The following FNDC3B variants were observed in gnomAD, a reference collection of about 807,000 sequenced individuals.
FNDC3B encodes fibronectin type III domain containing 3B.
A neutral mutation model predicts 151.5 loss-of-function variants in FNDC3B; 12 were observed. The observed-to-expected ratio is 0.08, with a 90% CI of 0.05 to 0.13. The LOEUF (loss-of-function observed/expected upper bound fraction) is 0.13. FNDC3B is among the 10% of genes least tolerant of loss of function. The probability of loss-of-function intolerance (pLI) is 1.00; values close to 1 mark genes in which losing one functional copy is unlikely to be tolerated. For missense variants in FNDC3B, 1,214 were observed against 1,505.3 expected (o/e 0.81, Z 3.20); for synonymous variants, 528 against 549.0 (o/e 0.96, Z 0.54).
At chr3:172,174,971 C>T (rs1247749795) in intron 3 of FNDC3B, among the ~76,000 whole-genome samples, 1 of 127,358 alleles carries the variant, frequency 7.9e-6, no homozygotes, top group Non-Finnish European at 1.6e-5. Context: ...TCCATCCGGT[C>T]CCATGTCCTA....
Position 172,399,319 on chromosome 3 carries a change from A to G in FNDC3B, c.*1844A>G, listed in dbSNP as rs1185445214. ...TAGGTCAGTCTTGTTCCTTGGCAACATCTGTAGTATTATTAATCTTCTGAC... is the reference window on the plus strand; with the variant it reads ...TAGGTCAGTCTTGTTCCTTGGCAACGTCTGTAGTATTATTAATCTTCTGAC... On this transcript the variant is annotated 3_prime_UTR_variant, in exon 26 of 26. Coordinates refer to ENST00000415807, the MANE Select transcript of FNDC3B (RefSeq NM_022763.4). 1 of 152,570 alleles carries G rather than the reference A, an allele frequency of 6.6e-6. No individual in the cohort carries two copies. The highest frequency in any genetic ancestry group is 1.5e-5 in the Non-Finnish European group (1 of 68,012). 9.5% of individuals were successfully genotyped at this position (152,570 alleles called of 1,614,324 possible).
rs116373858 is a variant in FNDC3B at position 172,110,725 on chromosome 3, G to T, written c.-28-1727G>T. On this transcript the variant is annotated intron_variant, in intron 1 of 25. Transcript: ENST00000415807. ...TAGCAAGTGCCCAAGGAGGAGGGAAGAAAAGGTGAAATTGCTTCTCCACCC... is the reference window on the plus strand; with the variant it reads ...TAGCAAGTGCCCAAGGAGGAGGGAATAAAAGGTGAAATTGCTTCTCCACCC... Among the ~76,000 whole-genome samples the T allele has an allele frequency of 2.3e-3, 357 of 152,128 alleles. 3 individuals are homozygous for T. Among genetic ancestry groups the T allele is most frequent in the African/African-American group, 8.5e-3 (351 of 41,492 alleles).
intron 3 of FNDC3B, among the ~76,000 whole-genome samples, chr3:172,193,758 A>T (rs1175982041): frequency 1.3e-5 from 2 of 152,168 alleles, no homozygotes; most frequent in African/African-American, 4.8e-5. Context: ...TTGTGAGGAA[A>T]GTACATCACA....
chr3:172,377,975 T>G (rs1735239341), intron 23 of FNDC3B, among the ~76,000 whole-genome samples: 1 of 152,244 alleles, frequency 6.6e-6, no homozygotes, highest in Non-Finnish European at 1.5e-5. Context: ...TTGAAAATTC[T>G]GTTTTTTATT....
intron 11 of FNDC3B, chr3:172,317,328 C>T (rs1029105076): frequency 1.3e-4 from 38 of 302,906 alleles, no homozygotes; most frequent in Middle Eastern, 1.2e-3. Flanking sequence ...GGACTACAGG[C>T]GCCTGCCACC....
Position 172,112,708 on chromosome 3 carries a change from G to C in FNDC3B, c.111+118G>C, listed in dbSNP as rs1388548853. On this transcript the variant is annotated intron_variant, in intron 2 of 25. Coordinates refer to ENST00000415807, the MANE Select transcript of FNDC3B (RefSeq NM_022763.4). ...ATTTCAAACCTTAGCATTTCTAGAG[G>C]TAAGTGTTTTTGTTGTAGAAATACT... The C allele has an allele frequency of 6.8e-6, 5 of 740,144 alleles. No individual in the cohort carries two copies. The Admixed American group carries it at 1.1e-4, about 16-fold the overall frequency. The allele number at this position is 740,144 out of a possible 1,614,324, so 45.8% of individuals were successfully genotyped here. A position where few individuals can be genotyped will look rare whatever the true frequency, so the allele number is the denominator to read the frequency against.
rs1377985580 is a variant in FNDC3B, at chr3:172,226,742, T to TACC, written c.188-127_188-125dup. The TACC allele has an allele frequency of 8.3e-6, 5 of 604,092 alleles. No homozygotes were observed. The Admixed American group carries it at 1.2e-4, about 14-fold the overall frequency. 37.4% of individuals were successfully genotyped at this position (604,092 alleles called of 1,614,324 possible). On this transcript the variant is annotated intron_variant, in intron 3 of 25. Transcript: ENST00000415807. ...TCAGGTTTAGCTTTAAGGCAATATA[T>TACC]ACCAACTTTTGAAGAGCAAATTGTC...
chr3:172,108,372 A>G (rs1719779208), intron 1 of FNDC3B, among the ~76,000 whole-genome samples: 1 of 152,234 alleles, frequency 6.6e-6, no homozygotes, highest in South Asian at 2.1e-4. Context: ...AATCATTACA[A>G]ACAAATAGAG....
At chr3:172,301,521 A>G (rs763956933) in intron 9 of FNDC3B, 4 of 152,214 alleles carry the variant, frequency 2.6e-5, no homozygotes, top group Non-Finnish European at 5.9e-5. Flanking sequence ...TCTTCACTAA[A>G]TTTTCATAAC....
intron 5 of FNDC3B, among the ~76,000 whole-genome samples, chr3:172,250,856 G>A (rs545630564): frequency 5.9e-5 from 9 of 151,918 alleles, no homozygotes; most frequent in Admixed American, 2.6e-4. Context: ...TTGCTCTGTC[G>A]CTCAGGCTGG....
At position 172,327,024 on chromosome 3, in the gene FNDC3B, A is replaced by G. The variant is rs557891862; in HGVS notation, c.1255-1928A>G. ...TAGATCATGCCACAGCCTGAAATGG[A>G]TACGACACATACCAGGGCTCCCATA... On this transcript the variant is annotated intron_variant, in intron 11 of 25. Transcript: ENST00000415807. Among the ~76,000 whole-genome samples, 5 of 152,294 alleles carry G rather than the reference A, an allele frequency of 3.3e-5. No homozygotes were observed. The East Asian group carries it at 7.7e-4, about 24-fold the overall frequency.
At chr3:172,249,152 TTGAG>T (rs1437468001) in intron 5 of FNDC3B, among the ~76,000 whole-genome samples, 1 of 152,150 alleles carries the variant, frequency 6.6e-6, no homozygotes, top group Non-Finnish European at 1.5e-5. Flanking sequence ...CATTAAATAA[TTGAG>T]TGTTTCTTAG....
intron 5 of FNDC3B, 67 bp downstream of exon 5, chr3:172,247,843 G>A (rs1208521932): frequency 5.2e-6 from 8 of 1,549,002 alleles, no homozygotes; most frequent in South Asian, 3.4e-5. Flanking sequence ...AGTTCAAGGC[G>A]GTCCTTTGTT....
chr3:172,165,545 T>C (rs1267338950), intron 3 of FNDC3B, among the ~76,000 whole-genome samples: 2 of 152,242 alleles, frequency 1.3e-5, no homozygotes, highest in East Asian at 3.8e-4. Flanking sequence ...TCCATGAATA[T>C]ATTTAATAAT....
chr3:172,390,591 A>G (rs946181624), intron 25 of FNDC3B, among the ~76,000 whole-genome samples: 4 of 151,704 alleles, frequency 2.6e-5, no homozygotes, highest in Non-Finnish European at 5.9e-5. Context: ...TCCTAACCTC[A>G]AGTGATCCTC....
At chr3:172,083,648 T>C (rs1463809994) in intron 1 of FNDC3B, among the ~76,000 whole-genome samples, 13 of 152,178 alleles carry the variant, frequency 8.5e-5, no homozygotes, top group Admixed American at 8.5e-4. Flanking sequence ...ATCAGGTAGT[T>C]GTTAGGAAGC....
chr3:172,337,724 A>C (rs756792469), intron 16 of FNDC3B: 1 of 303,520 alleles, frequency 3.3e-6, no homozygotes, highest in African/African-American at 2.3e-5. Flanking sequence ...GATCTCTGTC[A>C]CACAGGCTGG....
chr3:172,239,732 A>C (rs1411334554), intron 4 of FNDC3B, among the ~76,000 whole-genome samples: 1 of 148,472 alleles, frequency 6.7e-6, no homozygotes, highest in Non-Finnish European at 1.5e-5. Context: ...CCTTTGAAGC[A>C]TTTCAATTCA....
chr3:172,270,669 A>G (rs1042783208), intron 6 of FNDC3B, among the ~76,000 whole-genome samples: 4 of 152,220 alleles, frequency 2.6e-5, no homozygotes, highest in Non-Finnish European at 5.9e-5. Context: ...TTGTTTGTGT[A>G]CATTTTCTAT....
Sources: gnomAD v4.1 joint callset for allele counts (sites outside exome capture counted in the v4.1 genomes callset) on GRCh38, gnomAD v4.1.1 for gene constraint, MANE v1.5 for transcripts, NCBI Gene and HGNC (gene_info 2026-07-23, HGNC 2026-07-21) for gene names.